The following TMEM178B variants were observed in gnomAD, a reference collection of about 807,000 sequenced individuals.
The protein encoded by TMEM178B is transmembrane protein 178B.
TMEM178B carries 5 observed loss-of-function variants against 31.0 expected under a neutral mutation model. The ratio of observed to expected loss-of-function variants is 0.16; its 90% confidence interval spans 0.08 to 0.34. The LOEUF (loss-of-function observed/expected upper bound fraction) is 0.34. TMEM178B is among the 10% of genes least tolerant of loss of function. The pLI is 1.00. For synonymous variants in TMEM178B, 164 were observed against 164.0 expected, an observed-to-expected ratio of 1.00 and a Z score of 0.00; for missense variants, 275 against 400.3, an observed-to-expected ratio of 0.69 and a Z score of 2.67.
Position 141,369,316 on chromosome 7 carries a change from CGTGTGTGTGT to C in TMEM178B, c.497-68259_497-68250del, listed in dbSNP as rs55960871. On this transcript the variant is annotated intron_variant, in intron 2 of 3. Transcript: ENST00000565468. ...CTTTCTCTCTGTCTCTCCGCGCCGACGTGTGTGTGTGTGTGTGTGTGTGTGTGTGTGTGTG... is the reference window on the plus strand; with the variant it reads ...CTTTCTCTCTGTCTCTCCGCGCCGACGTGTGTGTGTGTGTGTGTGTGTGTG... 7.4e-4 allele frequency among the ~76,000 whole-genome samples: 102 copies of C among 138,444 alleles called. 2 individuals carry two copies. The highest frequency in any genetic ancestry group is 3.7e-3 in the Middle Eastern group (1 of 270). 90.8% of individuals were successfully genotyped at this position (138,444 alleles called of 152,430 possible). A position where few individuals can be genotyped will look rare whatever the true frequency, so the allele number is the denominator to read the frequency against.
intron 1 of TMEM178B, among the ~76,000 whole-genome samples, chr7:141,082,437 C>G (rs899770356): frequency 4.6e-5 from 7 of 152,224 alleles, no homozygotes; most frequent in Non-Finnish European, 1.0e-4. Context: ...AAACTTAAGA[C>G]ATACTCACCT....
intron 2 of TMEM178B, among the ~76,000 whole-genome samples, chr7:141,337,553 A>C (rs969372787): frequency 3.3e-5 from 5 of 152,190 alleles, no homozygotes; most frequent in Non-Finnish European, 5.9e-5. Flanking sequence ...TATAGATGAT[A>C]AGTTTAAGGC....
chr7:141,139,152 C>G (rs1795726185), intron 1 of TMEM178B, among the ~76,000 whole-genome samples: 1 of 152,178 alleles, frequency 6.6e-6, no homozygotes, highest in African/African-American at 2.4e-5. Context: ...GAAATCACCT[C>G]AACATTTAAA....
chr7:141,198,605 A>G (rs1796823793), intron 1 of TMEM178B, among the ~76,000 whole-genome samples: 1 of 152,220 alleles, frequency 6.6e-6, no homozygotes, highest in South Asian at 2.1e-4. Flanking sequence ...AAAAAGTGCC[A>G]GACTGGCCTC....
intron 2 of TMEM178B, among the ~76,000 whole-genome samples, chr7:141,284,474 C>T (rs1798412971): frequency 6.6e-6 from 1 of 152,172 alleles, no homozygotes; most frequent in African/African-American, 2.4e-5. Context: ...AAAACATTGA[C>T]ATTGTCTCCT....
At chr7:141,355,032 A>G (rs913613563) in intron 2 of TMEM178B, among the ~76,000 whole-genome samples, 28 of 152,164 alleles carry the variant, frequency 1.8e-4, no homozygotes, top group Non-Finnish European at 3.7e-4. Context: ...TTAATAAAAC[A>G]TTTCACTCAA....
chr7:141,280,413 A>G (rs1798337213), intron 2 of TMEM178B, among the ~76,000 whole-genome samples: 3 of 152,098 alleles, frequency 2.0e-5, no homozygotes, highest in Non-Finnish European at 4.4e-5. Flanking sequence ...TTTCCCCCAT[A>G]CTGTTCTCGT....
At chr7:141,164,596 T>C (rs1796231003) in intron 1 of TMEM178B, among the ~76,000 whole-genome samples, 2 of 152,220 alleles carry the variant, frequency 1.3e-5, no homozygotes, top group South Asian at 4.1e-4. Flanking sequence ...AAGGCTAAGA[T>C]TCTAATTTTT....
chr7:141,287,449 T>C (rs1310336416), intron 2 of TMEM178B, among the ~76,000 whole-genome samples: 3 of 152,240 alleles, frequency 2.0e-5, no homozygotes, highest in African/African-American at 2.4e-5. Context: ...TGGAATGATA[T>C]AGGTCATAAA....
chr7:141,336,933 T>TCACCACCACCACCACCACCACCACCAC (rs1563155185), intron 2 of TMEM178B, among the ~76,000 whole-genome samples: 1 of 35,238 alleles, frequency 2.8e-5, no homozygotes, highest in African/African-American at 1.2e-4. Context: ...ACCACCACCA[T>TCACCACCACCACCACCACCACCACCAC]CACCACCACC....
chr7:141,501,803 C>G, the TMEM178B span, among the ~76,000 whole-genome samples: 3 of 152,130 alleles, frequency 2.0e-5, no homozygotes, highest in African/African-American at 7.2e-5. Flanking sequence ...CTTGCCCCAG[C>G]CTCCACAATT....
At chr7:141,324,045 G>A (rs1486113492) in intron 2 of TMEM178B, among the ~76,000 whole-genome samples, 1 of 152,112 alleles carries the variant, frequency 6.6e-6, no homozygotes, top group Non-Finnish European at 1.5e-5. Context: ...TCAAGAAACT[G>A]CCTGGAGGTC....
At chr7:141,078,148 G>C (rs928447653) in intron 1 of TMEM178B, among the ~76,000 whole-genome samples, 1 of 152,102 alleles carries the variant, frequency 6.6e-6, no homozygotes, top group Non-Finnish European at 1.5e-5. Flanking sequence ...AGTGACTGCA[G>C]GCACTGGGGA....
intron 1 of TMEM178B, among the ~76,000 whole-genome samples, chr7:141,092,370 G>C (rs939452313): frequency 6.6e-6 from 1 of 152,120 alleles, no homozygotes; most frequent in Non-Finnish European, 1.5e-5. Flanking sequence ...AACCTCCTTG[G>C]CTGAGTTTCT....
At chr7:141,359,830 A>G (rs1051716058) in intron 2 of TMEM178B, among the ~76,000 whole-genome samples, 1 of 152,154 alleles carries the variant, frequency 6.6e-6, no homozygotes, top group Admixed American at 6.6e-5. Flanking sequence ...GGTTTAATGG[A>G]CTCACAGTTC....
chr7:141,355,598 A>G (rs556624309), intron 2 of TMEM178B, among the ~76,000 whole-genome samples: 1 of 152,252 alleles, frequency 6.6e-6, no homozygotes, highest in Admixed American at 6.5e-5. Context: ...TTCAACACAG[A>G]TGGGCATTCA....
chr7:141,501,144 A>T, the TMEM178B span, among the ~76,000 whole-genome samples: 11 of 151,980 alleles, frequency 7.2e-5, no homozygotes, highest in African/African-American at 1.9e-4. Flanking sequence ...TGCATTTAGG[A>T]AGTTCACTTT....
chr7:141,224,550 G>C (rs1036615170), intron 2 of TMEM178B, among the ~76,000 whole-genome samples: 7 of 152,220 alleles, frequency 4.6e-5, no homozygotes, highest in African/African-American at 1.7e-4. Flanking sequence ...CCCAATCCCA[G>C]AGCTACTTGG....
At chr7:141,315,692 C>T (rs529982471) in intron 2 of TMEM178B, among the ~76,000 whole-genome samples, 1 of 152,182 alleles carries the variant, frequency 6.6e-6, no homozygotes, top group African/African-American at 2.4e-5. Flanking sequence ...TGATTATAAG[C>T]TCTTGAAGGC....
Sources: gnomAD v4.1 joint callset for allele counts (sites outside exome capture counted in the v4.1 genomes callset) on GRCh38, gnomAD v4.1.1 for gene constraint, MANE v1.5 for transcripts, NCBI Gene and HGNC (gene_info 2026-07-23, HGNC 2026-07-21) for gene names.